The following CAPN12 variants were observed in gnomAD, a reference collection of about 807,000 sequenced individuals.
CAPN12 encodes the protein calpain 12.
Under a neutral mutation model 95.0 loss-of-function variants are expected in CAPN12, and 107 were observed. The ratio of observed to expected loss-of-function variants is 1.13; its 90% confidence interval spans 0.96 to 1.32. The LOEUF is 1.32. Ranked by LOEUF, CAPN12 falls within the 40% of genes most tolerant of loss-of-function variation. CAPN12 has a pLI of 0.00. For missense variants in CAPN12, 1,136 were observed against 997.8 expected (o/e 1.14, Z -1.87); for synonymous variants, 505 against 415.5 (o/e 1.22, Z -2.62).
intron 5 of CAPN12, chr19:38,738,857 G>A: frequency 1.7e-6 from 1 of 597,008 alleles, no homozygotes; most frequent in Non-Finnish European, 3.0e-6. Flanking sequence ...AGGAGATGGA[G>A]GTACGGGCTC....
chr19:38,735,046 GGTTGCTGGTGGGGGGCCA>G (rs1969919709), intron 14 of CAPN12, 176 bp from the exon 15 acceptor site: 2 of 642,208 alleles, frequency 3.1e-6, no homozygotes. Context: ...ACTGGGCTGT[GGTTGCTGGTGGGGGGCCA>G]GCAGACCGGC....
At chr19:38,738,247 C>T in intron 8 of CAPN12, 26 bp downstream of exon 8, 1 of 1,611,124 alleles carries the variant, frequency 6.2e-7, no homozygotes, top group Non-Finnish European at 8.5e-7. Context: ...CTCCCAGAGG[C>T]AGAGCTGGGA....
intron 4 of CAPN12, among the ~76,000 whole-genome samples, chr19:38,740,830 C>T (rs559654513): frequency 1.7e-4 from 25 of 150,800 alleles, no homozygotes; most frequent in African/African-American, 4.9e-4. Context: ...AGACTCTTGA[C>T]GGGGGGAACT....
chr19:38,731,161 G>A lies in CAPN12; in HGVS notation c.2020C>T (p.Arg674Cys), dbSNP rs199558821. The A allele has an allele frequency of 3.0e-5, 49 of 1,613,094 alleles. No homozygotes were observed. Among genetic ancestry groups the A allele is most frequent in the Middle Eastern group, 3.3e-4 (2 of 6,068 alleles). ...GACACGAACCGCTCGAAGTCCACAC[G>A]CAGACGGCTATCCCGGTAGCGGCTG... The part of the protein sequence containing the change: ...LTSRYRDSRL[R>C]VDFERFVSCV... The change falls in exon 19 of 21, where the codon CGT becomes TGT. Residue 674 changes from arginine to cysteine, a missense_variant. By Grantham distance (180) the Arg-to-Cys change is radical. Transcript: ENST00000328867.
Position 38,744,472 on chromosome 19 carries a change from A to C in CAPN12, c.-307T>G. ...CTGTCAGAGCACCAAGAAGGAGGTC[A>C]GTGTGGGGGTGAGCTTCTGCCTACT... On this transcript the variant is annotated 5_prime_UTR_variant, in exon 1 of 21. Coordinates refer to ENST00000328867, the MANE Select transcript of CAPN12 (RefSeq NM_144691.4). 1 of 470,826 alleles carries C rather than the reference A, an allele frequency of 2.1e-6. No homozygotes were observed. Among genetic ancestry groups the C allele is most frequent in the Non-Finnish European group, 3.9e-6 (1 of 255,816 alleles). The allele number at this position is 470,826 out of a possible 1,614,324, so 29.2% of individuals were successfully genotyped here. A position where few individuals can be genotyped will look rare whatever the true frequency, so the allele number is the denominator to read the frequency against.
chr19:38,731,240 T>G lies in CAPN12; in HGVS notation c.1958-17A>C. The G allele has an allele frequency of 6.2e-7, 1 of 1,606,858 alleles. No homozygotes were observed. Among genetic ancestry groups the G allele is most frequent in the Non-Finnish European group, 8.5e-7 (1 of 1,175,606 alleles). ...GGTGGAAGCCTAGGGGGAGGCTGCT[T>G]CTGAGCCCAGTGGCCCACAGGGAAC... On this transcript the variant is annotated splice_polypyrimidine_tract_variant and intron_variant, in intron 18 of 20. Coordinates refer to ENST00000328867, the MANE Select transcript of CAPN12 (RefSeq NM_144691.4).
chr19:38,742,435 C>T lies in CAPN12; in HGVS notation c.401G>A (p.Gly134Asp), dbSNP rs989103802. The T allele has an allele frequency of 1.1e-5, 17 of 1,613,998 alleles. No homozygotes were observed. Among genetic ancestry groups the T allele is most frequent in the Non-Finnish European group, 1.4e-5 (17 of 1,179,924 alleles). Residue 134 changes from glycine to aspartate, a missense_variant, in exon 3 of 21, where the codon GGC becomes GAC. Physicochemically the swap from Gly to Asp is moderately conservative, Grantham distance 94. Coordinates refer to ENST00000328867, the MANE Select transcript of CAPN12 (RefSeq NM_144691.4). ...CTGGAAGTGGAAGACGCCTGCGTAGCCATGCTGGAAATCCTGTCCAGGAGG... is the reference window on the plus strand; with the variant it reads ...CTGGAAGTGGAAGACGCCTGCGTAGTCATGCTGGAAATCCTGTCCAGGAGG... ...VVPPGQDFQH[G>D]YAGVFHFQLW...
At position 38,744,106 on chromosome 19, in the gene CAPN12, T is replaced by C; in HGVS notation, c.60A>G (p.Gly20=). 6.2e-7 allele frequency: 1 copy of C among 1,614,064 alleles called. No individual in the cohort carries two copies. Among genetic ancestry groups the C allele is most frequent in the Non-Finnish European group, 8.5e-7 (1 of 1,180,018 alleles). ...CCCGAAAAAGCTGCAGGCGCCCGGC[T>C]CCGACCCCAGCCTCCTCATCCACGA... ...IQLVDEEAGV[G]AGRLQLFRGQ... The change falls in exon 1 of 21, where the codon GGA becomes GGG. Residue 20 remains glycine (G), a synonymous_variant. Transcript: ENST00000328867.
In CAPN12 at chr19:38,730,500, G is replaced by C; in HGVS notation, c.*352C>G. ...TGGATAAACCACCCTCTGGGGACAG[G>C]ATAATAAAACATGTAATATTTTTAA... On this transcript the variant is annotated 3_prime_UTR_variant, in exon 21 of 21. Coordinates refer to ENST00000328867, the MANE Select transcript of CAPN12 (RefSeq NM_144691.4). 9.1e-6 allele frequency: 3 copies of C among 329,076 alleles called. No homozygotes were observed. In the East Asian group the frequency reaches 1.8e-4, roughly 19 times the overall value. 20.4% of individuals were successfully genotyped at this position (329,076 alleles called of 1,614,324 possible). A position where few individuals can be genotyped will look rare whatever the true frequency, so the allele number is the denominator to read the frequency against.
intron 4 of CAPN12, among the ~76,000 whole-genome samples, 200 bp downstream of exon 4, chr19:38,741,576 CA>C (rs1192457633): frequency 1.8e-5 from 2 of 114,100 alleles, no homozygotes; most frequent in South Asian, 2.9e-4. Context: ...GACTCCGTCT[CA>C]AAAAAAAAGA....
intron 19 of CAPN12, 36 bp downstream of exon 19, chr19:38,731,071 T>C: frequency 1.9e-6 from 3 of 1,573,612 alleles, no homozygotes; most frequent in Non-Finnish European, 2.6e-6. Flanking sequence ...CCGTACCCCT[T>C]CCCCCCATGC....
Position 38,735,378 on chromosome 19 carries a change from C to T in CAPN12, c.1678G>A (p.Ala560Thr), listed in dbSNP as rs1288667212. Residue 560 changes from alanine to threonine, a missense_variant, in exon 14 of 21, where the codon GCT becomes ACT. Coordinates refer to ENST00000328867, the MANE Select transcript of CAPN12 (RefSeq NM_144691.4). ...LGLEQLFQEL[A>T]GEEEELNASQ... ...CCAATCCCCCTCCTCACCTCTCCAG[C>T]CAGCTCCTGAAACAGCTGCTCCAAC... The T allele has an allele frequency of 6.3e-7, 1 of 1,599,740 alleles. No individual in the cohort carries two copies. The highest frequency in any genetic ancestry group is 2.2e-5 in the East Asian group (1 of 44,496).
chr19:38,740,002 T>C (rs1037160096), intron 5 of CAPN12, 49 bp downstream of exon 5: 4 of 1,493,238 alleles, frequency 2.7e-6, no homozygotes, highest in South Asian at 1.4e-5. Flanking sequence ...CACCCCTGAC[T>C]GTGCTCTGGT....
intron 15 of CAPN12, 90 bp downstream of exon 15, chr19:38,734,723 G>A (rs901984400): frequency 3.3e-5 from 39 of 1,191,386 alleles, no homozygotes; most frequent in African/African-American, 1.4e-4. Context: ...CCAGCAGCGC[G>A]GTGGGTTCAT....
At chr19:38,735,348 T>C (rs751052305) in intron 14 of CAPN12, 22 bp downstream of exon 14, 7 of 1,547,126 alleles carry the variant, frequency 4.5e-6, no homozygotes, top group East Asian at 4.6e-5. Flanking sequence ...GGATACCCCC[T>C]CAGTCCAATC....
In CAPN12 at chr19:38,730,947, C is replaced by A; in HGVS notation, c.2133+18G>T. On this transcript the variant is annotated intron_variant, in intron 20 of 20. Transcript: ENST00000328867. ...CAGGACAGAGCCTGAGCCACCCTGT[C>A]CCTCCCACCTGGCTCACCTGTCTGT... 6.4e-7 allele frequency: 1 copy of A among 1,550,588 alleles called. No individual in the cohort carries two copies. The highest frequency in any genetic ancestry group is 8.7e-7 in the Non-Finnish European group (1 of 1,147,054).
intron 2 of CAPN12, among the ~76,000 whole-genome samples, 183 bp downstream of exon 2, chr19:38,742,850 C>CAAAAAAAAAAAAAAAAAA (rs11406594): frequency 1.7e-4 from 9 of 53,290 alleles, no homozygotes; most frequent in South Asian, 1.3e-3. Context: ...GACCCCATCT[C>CAAAAAAAAAAAAAAAAAA]AAAAAAAAAA....
rs923437169 is a variant in CAPN12, at chr19:38,734,855, C to CATT, written c.1699_1701dup (p.Asn567dup). ...CTTAGTAAGGCCTGGAGCTGAGAGG[C>CATT]ATTGAGTTCTTCCTCCTAGTCCAGG... On this transcript the variant is annotated inframe_insertion, in exon 15 of 21. Coordinates refer to ENST00000328867, the MANE Select transcript of CAPN12 (RefSeq NM_144691.4). 3 of 1,612,594 alleles carry CATT rather than the reference C, an allele frequency of 1.9e-6. No individual in the cohort carries two copies. In the African/African-American group the frequency reaches 4.0e-5, roughly 22 times the overall value.
At chr19:38,742,219 A>G in intron 3 of CAPN12, 191 bp downstream of exon 3, 1 of 624,644 alleles carries the variant, frequency 1.6e-6, no homozygotes, top group South Asian at 2.0e-5. Flanking sequence ...CCAGCTACTC[A>G]GGAGGCTGAG....
Sources: allele counts gnomAD v4.1 joint callset (sites outside exome capture counted in the v4.1 genomes callset), GRCh38; gene constraint gnomAD v4.1.1; transcripts MANE v1.5; gene names NCBI Gene and HGNC (gene_info 2026-07-23, HGNC 2026-07-21).